BRIP1: variants seen among roughly 807,000 people sequenced by gnomAD.
BRIP1 encodes BRCA1 interacting DNA helicase 1, also known as Fanconi anemia group J protein.
A neutral mutation model predicts 119.7 loss-of-function variants in BRIP1; 88 were observed. The ratio of observed to expected loss-of-function variants is 0.74; its 90% CI spans 0.62 to 0.88. BRIP1 has a LOEUF of 0.88. BRIP1 is among the 40% of genes least tolerant of loss of function. The probability of loss-of-function intolerance (pLI) is 0.00; values close to 1 mark genes in which losing one functional copy is unlikely to be tolerated. For missense variants in BRIP1, 1,259 were observed against 1,455.4 expected (o/e 0.87, Z 2.20); for synonymous variants, 443 against 496.5 (o/e 0.89, Z 1.43).
rs1048273522 is a variant in BRIP1, at chr17:61,745,464, G to T, written c.2098-873C>A. ...GCTCAGTGCAGCCTCGAACTACTAGGCTCAGGCAATCCCTCCACCTTAGCC... is the reference window on the plus strand; with the variant it reads ...GCTCAGTGCAGCCTCGAACTACTAGTCTCAGGCAATCCCTCCACCTTAGCC... On this transcript the variant is annotated intron_variant, in intron 14 of 19. Coordinates refer to ENST00000259008, the MANE Select transcript of BRIP1 (RefSeq NM_032043.3). This position sits in a 1 kb window ranked among gnomAD's most constrained non-coding sequence, Gnocchi z 4.4. Among the ~76,000 whole-genome samples, 1 of 152,104 alleles carries T rather than the reference G, an allele frequency of 6.6e-6. No individual in the cohort carries two copies. The highest frequency in any genetic ancestry group is 1.5e-5 in the Non-Finnish European group (1 of 68,018).
chr17:61,842,532 G>A lies in BRIP1; in HGVS notation c.627+4569C>T, dbSNP rs2078672310. On this transcript the variant is annotated intron_variant, in intron 6 of 19. Coordinates refer to ENST00000259008, the MANE Select transcript of BRIP1 (RefSeq NM_032043.3). The surrounding 1 kb of genome is among the most constrained non-coding windows in gnomAD (Gnocchi z 5.1). ...TTTGATCATTACACATCATATACAT[G>A]TATGAAAATTATCACACTGAATCCC... Among the ~76,000 whole-genome samples, 2 of 152,132 alleles carry A rather than the reference G, an allele frequency of 1.3e-5. No homozygotes were observed. The highest frequency in any genetic ancestry group is 4.8e-5 in the African/African-American group (2 of 41,420).
intron 4 of BRIP1, among the ~76,000 whole-genome samples, chr17:61,850,100 C>T (rs1420698740): frequency 7.0e-6 from 1 of 142,986 alleles, no homozygotes; most frequent in Non-Finnish European, 1.5e-5. Flanking sequence ...TCTTTTTTAA[C>T]CATCTTTTTT....
chr17:61,771,380 A>G (rs1396996814), intron 14 of BRIP1, among the ~76,000 whole-genome samples: 2 of 152,218 alleles, frequency 1.3e-5, no homozygotes, highest in Admixed American at 6.5e-5. Flanking sequence ...AAATGACTCA[A>G]TGCAAAAATG....
rs1557720 is a variant in BRIP1, at chr17:61,709,013, T to G, written c.2492+6938A>C. On this transcript the variant is annotated intron_variant, in intron 17 of 19. Coordinates refer to ENST00000259008, the MANE Select transcript of BRIP1 (RefSeq NM_032043.3). This position sits in a 1 kb window ranked among gnomAD's most constrained non-coding sequence, Gnocchi z 5.0. The stretch of plus-strand genomic sequence containing the variant: ...GTGCCTGGTGTTGAAGAATACAGAG[T>G]CTCTGTTGTTCAACCTTTCCAGAAG... Among the ~76,000 whole-genome samples, 77 of 152,016 alleles carry G rather than the reference T, an allele frequency of 5.1e-4. No individual in the cohort carries two copies. The highest frequency in any genetic ancestry group is 1.6e-3 in the African/African-American group (67 of 41,484).
In BRIP1 at chr17:61,831,772, T is replaced by C. The variant is rs2078496252; in HGVS notation, c.627+15329A>G. Reference sequence around the variant, plus strand: ...CTAGAAATGTTATTTCTGGACCATATGGTAATTCTGTTTTTAACTTTCAGA... The same window carrying C: ...CTAGAAATGTTATTTCTGGACCATACGGTAATTCTGTTTTTAACTTTCAGA... On this transcript the variant is annotated intron_variant, in intron 6 of 19. Coordinates refer to ENST00000259008, the MANE Select transcript of BRIP1 (RefSeq NM_032043.3). The surrounding 1 kb of genome is among the most constrained non-coding windows in gnomAD (Gnocchi z 4.1). Among the ~76,000 whole-genome samples the C allele has an allele frequency of 6.6e-6, 1 of 152,184 alleles. No individual in the cohort carries two copies. Among genetic ancestry groups the C allele is most frequent in the East Asian group, 1.9e-4 (1 of 5,196 alleles).
intron 14 of BRIP1, among the ~76,000 whole-genome samples, chr17:61,747,714 T>G (rs909371526): frequency 2.0e-5 from 3 of 152,080 alleles, no homozygotes; most frequent in African/African-American, 7.2e-5. Context: ...TTTATTAATT[T>G]TTTATTTTCA....
rs2061278119 is a variant in BRIP1, at chr17:61,682,105, C to G, written c.*1191G>C. ...CAAAAACACAAACAAGGTCAAAATT[C>G]ACAGAAAGGATTACTGTGCCCTAAG... On this transcript the variant is annotated 3_prime_UTR_variant, in exon 20 of 20. Transcript: ENST00000259008. This position sits in a 1 kb window ranked among gnomAD's most constrained non-coding sequence, Gnocchi z 4.9. 4.9e-6 allele frequency: 1 copy of G among 203,970 alleles called. No homozygotes were observed. The highest frequency in any genetic ancestry group is 1.0e-5 in the Non-Finnish European group (1 of 99,666). 12.6% of individuals were successfully genotyped at this position (203,970 alleles called of 1,614,324 possible).
At chr17:61,783,823 C>G (rs1472896000) in intron 11 of BRIP1, 1 of 152,598 alleles carries the variant, frequency 6.6e-6, no homozygotes, top group Non-Finnish European at 1.5e-5. Flanking sequence ...ACTTACAATC[C>G]TAGCACTTTG....
rs1447067044 is a variant in BRIP1, at chr17:61,846,098, C to A, written c.627+1003G>T. ...TCGGGAGGTTGAGGCAGGAGAATGG[C>A]ATGAACCCAGGAGGCGGAGCTTGCA... On this transcript the variant is annotated intron_variant, in intron 6 of 19. Coordinates refer to ENST00000259008, the MANE Select transcript of BRIP1 (RefSeq NM_032043.3). This position sits in a 1 kb window ranked among gnomAD's most constrained non-coding sequence, Gnocchi z 4.3. Among the ~76,000 whole-genome samples the A allele has an allele frequency of 6.6e-6, 1 of 152,030 alleles. No homozygotes were observed. The highest frequency in any genetic ancestry group is 1.5e-5 in the Non-Finnish European group (1 of 67,996).
At chr17:61,707,058 C>T (rs1029212020) in intron 17 of BRIP1, among the ~76,000 whole-genome samples, 3 of 151,818 alleles carry the variant, frequency 2.0e-5, no homozygotes, top group African/African-American at 7.3e-5. Context: ...TGATGGAGCA[C>T]ATCTTCCAGT....
rs755717678 is a variant in BRIP1 at position 61,822,741 on chromosome 17, G to A, written c.628-13984C>T. Among the ~76,000 whole-genome samples the A allele has an allele frequency of 6.6e-6, 1 of 151,942 alleles. No homozygotes were observed. Among genetic ancestry groups the A allele is most frequent in the African/African-American group, 2.4e-5 (1 of 41,252 alleles). On this transcript the variant is annotated intron_variant, in intron 6 of 19. Coordinates refer to ENST00000259008, the MANE Select transcript of BRIP1 (RefSeq NM_032043.3). The surrounding 1 kb of genome is among the most constrained non-coding windows in gnomAD (Gnocchi z 4.4). The stretch of plus-strand genomic sequence containing the variant: ...TCCAGTGATGTGTAAATGTGTAGTG[G>A]GATGTGAATGGGGAAAAGTTTGTGT...
intron 16 of BRIP1, among the ~76,000 whole-genome samples, chr17:61,721,671 T>C (rs925225919): frequency 6.8e-6 from 1 of 146,702 alleles, no homozygotes; most frequent in Admixed American, 6.8e-5. Flanking sequence ...ATAAAGGACA[T>C]ATAAAGGACA....
rs1421586051 is a variant in BRIP1, at chr17:61,740,981, C to T, written c.2379+2032G>A. 6.6e-6 allele frequency among the ~76,000 whole-genome samples: 1 copy of T among 152,142 alleles called. No homozygotes were observed. Among genetic ancestry groups the T allele is most frequent in the Non-Finnish European group, 1.5e-5 (1 of 68,024 alleles). On this transcript the variant is annotated intron_variant, in intron 16 of 19. Coordinates refer to ENST00000259008, the MANE Select transcript of BRIP1 (RefSeq NM_032043.3). This position sits in a 1 kb window ranked among gnomAD's most constrained non-coding sequence, Gnocchi z 5.4. The stretch of plus-strand genomic sequence containing the variant: ...ATAGATTTCTCTGTGGCATAAGATG[C>T]TCTTTGATAGCATTTTACCCAACAT...
rs1021056349 is a variant in BRIP1 at position 61,841,821 on chromosome 17, G to T, written c.627+5280C>A. On this transcript the variant is annotated intron_variant, in intron 6 of 19. Transcript: ENST00000259008. This position sits in a 1 kb window ranked among gnomAD's most constrained non-coding sequence, Gnocchi z 4.1. The stretch of plus-strand genomic sequence containing the variant: ...AGCCTCCCAAGTAGCTAGGACTGCA[G>T]GCACGTACCACCACGCCTGGCTAAT... Among the ~76,000 whole-genome samples, 5 of 152,142 alleles carry T rather than the reference G, an allele frequency of 3.3e-5. No individual in the cohort carries two copies. Among genetic ancestry groups the T allele is most frequent in the Non-Finnish European group, 7.4e-5 (5 of 68,026 alleles).
intron 14 of BRIP1, among the ~76,000 whole-genome samples, chr17:61,773,206 T>A (rs1318005413): frequency 6.6e-6 from 1 of 151,578 alleles, no homozygotes; most frequent in Non-Finnish European, 1.5e-5. Flanking sequence ...TAAACAAAAA[T>A]TTTAAAAGAA....
intron 10 of BRIP1, among the ~76,000 whole-genome samples, chr17:61,790,694 T>A (rs113980251): frequency 6.6e-6 from 1 of 151,974 alleles, no homozygotes. Context: ...GGCTGGAGTG[T>A]AGTGGTGCAA....
In BRIP1 at chr17:61,721,658, AATATAAAGGAC is replaced by A. The variant is rs368601570; in HGVS notation, c.2380-5606_2380-5596del. 4.2e-4 allele frequency among the ~76,000 whole-genome samples: 63 copies of A among 150,834 alleles called. No individual in the cohort carries two copies. In the East Asian group the frequency reaches 5.1e-3, roughly 12 times the overall value. On this transcript the variant is annotated intron_variant, in intron 16 of 19. Transcript: ENST00000259008. ...TTCTAAAATGAAACTTTACAACTAGAATATAAAGGACATATAAAGGACATAGACTTTGCCTT... is the reference window on the plus strand; with the variant it reads ...TTCTAAAATGAAACTTTACAACTAGAATATAAAGGACATAGACTTTGCCTT...
At chr17:61,688,227 A>G (rs2061389148) in intron 18 of BRIP1, among the ~76,000 whole-genome samples, 1 of 152,166 alleles carries the variant, frequency 6.6e-6, no homozygotes. Context: ...TAATCCCAGC[A>G]CTTAGGGAGG....
At position 61,737,236 on chromosome 17, in the gene BRIP1, T is replaced by C. The variant is rs201511817; in HGVS notation, c.2379+5777A>G. 1.1e-4 allele frequency among the ~76,000 whole-genome samples: 16 copies of C among 152,304 alleles called. No homozygotes were observed. In the East Asian group the frequency reaches 2.9e-3, roughly 28 times the overall value. ...AGTCCTTTCCTATCAGTAATTACTT[T>C]AAATGTAAATGGTTTAAACTCTCCA... On this transcript the variant is annotated intron_variant, in intron 16 of 19. Transcript: ENST00000259008.
Sources: gnomAD v4.1 joint callset for allele counts (sites outside exome capture counted in the v4.1 genomes callset) on GRCh38, gnomAD v4.1.1 for gene constraint, Gnocchi (gnomAD v3.1) non-coding constraint, MANE v1.5 for transcripts, NCBI Gene and HGNC (gene_info 2026-07-23, HGNC 2026-07-21) for gene names.